The following DLGAP1 variants were observed in gnomAD, a reference collection of about 807,000 sequenced individuals.
DLGAP1 encodes the protein disks large-associated protein 1.
In DLGAP1, 11 loss-of-function variants were observed where a neutral mutation model predicts 90.8. The observed-to-expected ratio is 0.12, with a 90% CI of 0.08 to 0.20. The LOEUF (loss-of-function observed/expected upper bound fraction) is 0.20, where lower values mean the gene tolerates loss of function less well. DLGAP1 is among the 10% of genes least tolerant of loss of function. The pLI is 1.00. For synonymous variants in DLGAP1, 558 were observed against 540.7 expected, an observed-to-expected ratio of 1.03 and a Z score of -0.44; for missense variants, 1,050 against 1,333.8, an observed-to-expected ratio of 0.79 and a Z score of 3.31.
chr18:3,961,663 A>C (rs541312186), intron 3 of DLGAP1, among the ~76,000 whole-genome samples: 1 of 152,308 alleles, frequency 6.6e-6, no homozygotes, highest in South Asian at 2.1e-4. Context: ...GCACACACTG[A>C]TGCCTGGTCA....
At chr18:4,267,560 C>T (rs2079158303) in intron 1 of DLGAP1, among the ~76,000 whole-genome samples, 1 of 152,190 alleles carries the variant, frequency 6.6e-6, no homozygotes. Context: ...ATATTCCTGT[C>T]AGATGGTATA....
intron 2 of DLGAP1, among the ~76,000 whole-genome samples, chr18:4,095,286 G>A (rs1484077231): frequency 6.6e-6 from 1 of 152,134 alleles, no homozygotes; most frequent in Non-Finnish European, 1.5e-5. Context: ...AATAAACAGA[G>A]ACACTGGCCA....
chr18:3,979,526 G>A (rs1403560912), intron 3 of DLGAP1, among the ~76,000 whole-genome samples: 2 of 152,306 alleles, frequency 1.3e-5, no homozygotes, highest in Middle Eastern at 3.4e-3. Flanking sequence ...GAAAGAAAAA[G>A]TAGAAATTTG....
chr18:4,434,289 T>G (rs531072546), intron 1 of DLGAP1, among the ~76,000 whole-genome samples: 1 of 152,034 alleles, frequency 6.6e-6, no homozygotes, highest in Non-Finnish European at 1.5e-5. Flanking sequence ...CACAATGAAA[T>G]GTGTTGTAGC....
chr18:3,740,510 T>C (rs1372734643), intron 6 of DLGAP1, among the ~76,000 whole-genome samples: 1 of 152,120 alleles, frequency 6.6e-6, no homozygotes, highest in Admixed American at 6.5e-5. Flanking sequence ...GAGCCTGCCC[T>C]GCAGTTCCTG....
At chr18:3,552,109 G>C (rs985684282) in intron 9 of DLGAP1, among the ~76,000 whole-genome samples, 10 of 152,110 alleles carry the variant, frequency 6.6e-5, no homozygotes, top group African/African-American at 2.2e-4. Flanking sequence ...CCTAGCAAGA[G>C]CACTTTTCAC....
At chr18:4,406,275 G>T (rs1022440758) in intron 1 of DLGAP1, among the ~76,000 whole-genome samples, 2 of 152,146 alleles carry the variant, frequency 1.3e-5, no homozygotes, top group African/African-American at 4.8e-5. Context: ...ATGCAGAAAG[G>T]GAGGGGAGTT....
chr18:4,390,844 A>G (rs2082326393), intron 1 of DLGAP1, among the ~76,000 whole-genome samples: 1 of 152,142 alleles, frequency 6.6e-6, no homozygotes, highest in Non-Finnish European at 1.5e-5. Context: ...CAAAGCTTTG[A>G]GATCTTTAAC....
intron 10 of DLGAP1, among the ~76,000 whole-genome samples, chr18:3,513,537 G>A (rs1370480099): frequency 1.3e-5 from 2 of 152,266 alleles, no homozygotes; most frequent in South Asian, 2.1e-4. Flanking sequence ...GAAGAAATTC[G>A]CCAAGCCTGA....
At chr18:4,234,807 A>G (rs2078372859) in intron 1 of DLGAP1, among the ~76,000 whole-genome samples, 2 of 152,200 alleles carry the variant, frequency 1.3e-5, no homozygotes, top group African/African-American at 4.8e-5. Context: ...ATTTGGATAG[A>G]TGCTGACGTT....
chr18:3,947,125 C>A (rs542464838), intron 3 of DLGAP1, among the ~76,000 whole-genome samples: 24 of 152,308 alleles, frequency 1.6e-4, no homozygotes, highest in African/African-American at 5.1e-4. Flanking sequence ...AGGCTACACA[C>A]AACCACTGCA....
chr18:3,502,497 T>C lies in DLGAP1; in HGVS notation c.2720A>G (p.Lys907Arg). 6 of 1,614,156 alleles carry C rather than the reference T, an allele frequency of 3.7e-6. No homozygotes were observed. Among genetic ancestry groups the C allele is most frequent in the Non-Finnish European group, 5.1e-6 (6 of 1,180,020 alleles). The change falls in exon 12 of 13, where the codon AAG becomes AGG. Residue 907 changes from lysine (K) to arginine (R), a missense_variant. By Grantham distance (26) the Lys-to-Arg change is conservative. Transcript: ENST00000315677. ...ACAAAATCTACATTGTTCTACCTTC[T>C]TGTCAAGAGGATCCATCTGTTTCCA... ...NNWKQMDPLD[K>R]KERRAPPPVP...
At chr18:4,374,957 G>A (rs2081986122) in intron 1 of DLGAP1, among the ~76,000 whole-genome samples, 2 of 151,874 alleles carry the variant, frequency 1.3e-5, no homozygotes, top group Non-Finnish European at 2.9e-5. Context: ...TAGAAAAACT[G>A]ACAAGAAAAA....
chr18:4,421,681 T>C (rs1458998173), intron 1 of DLGAP1, among the ~76,000 whole-genome samples: 1 of 152,178 alleles, frequency 6.6e-6, no homozygotes, highest in Non-Finnish European at 1.5e-5. Flanking sequence ...GGAAAAAATG[T>C]GCATATTGCC....
At chr18:4,038,129 T>C (rs2074919086) in intron 2 of DLGAP1, among the ~76,000 whole-genome samples, 1 of 152,188 alleles carries the variant, frequency 6.6e-6, no homozygotes, top group Non-Finnish European at 1.5e-5. Flanking sequence ...AAAGAGTGAT[T>C]TCTTAATCCT....
At chr18:3,735,859 G>T (rs993232278) in intron 6 of DLGAP1, among the ~76,000 whole-genome samples, 1 of 152,100 alleles carries the variant, frequency 6.6e-6, no homozygotes, top group Non-Finnish European at 1.5e-5. Flanking sequence ...TTAAGAGTCA[G>T]GACACTTGGG....
intron 3 of DLGAP1, among the ~76,000 whole-genome samples, chr18:4,004,758 A>G (rs1032727952): frequency 3.9e-5 from 6 of 152,170 alleles, no homozygotes; most frequent in Non-Finnish European, 8.8e-5. Flanking sequence ...AGAGGTTACA[A>G]TGTTAGTGTT....
intron 3 of DLGAP1, among the ~76,000 whole-genome samples, chr18:3,942,369 G>A (rs150563251): frequency 8.0e-4 from 122 of 152,310 alleles, no homozygotes; most frequent in African/African-American, 2.8e-3. Context: ...GAAGGCAGGC[G>A]TCTGACTGCA....
At chr18:3,710,035 A>T (rs918309002) in intron 7 of DLGAP1, among the ~76,000 whole-genome samples, 1 of 152,214 alleles carries the variant, frequency 6.6e-6, no homozygotes, top group South Asian at 2.1e-4. Context: ...CATTTAAAAT[A>T]GGGAGCTGCT....
Sources: allele counts gnomAD v4.1 joint callset (sites outside exome capture counted in the v4.1 genomes callset), GRCh38; gene constraint gnomAD v4.1.1; transcripts MANE v1.5; gene names NCBI Gene and HGNC (gene_info 2026-07-23, HGNC 2026-07-21).